GALNTL6: variants seen among roughly 807,000 people sequenced by gnomAD.
GALNTL6 encodes polypeptide N-acetylgalactosaminyltransferase like 6.
GALNTL6 carries 46 observed loss-of-function variants against 73.7 expected under a neutral mutation model. The ratio of observed to expected loss-of-function variants is 0.62; its 90% CI spans 0.49 to 0.80. GALNTL6 has a LOEUF of 0.80. Among genes scored for constraint, GALNTL6 ranks in the 30% least tolerant of loss-of-function variants. The pLI, the probability that GALNTL6 is intolerant of heterozygous loss-of-function variation, is 0.00. For synonymous variants in GALNTL6, 259 were observed against 263.7 expected (o/e 0.98, Z 0.17); for missense variants, 604 against 755.0 (o/e 0.80, Z 2.34).
intron 2 of GALNTL6, among the ~76,000 whole-genome samples, chr4:172,226,033 G>A (rs836329): frequency 0.98 from 148,656 of 152,272 alleles, 72,671 homozygotes; most frequent in East Asian, 1. Flanking sequence ...TTTTTATTTG[G>A]GATTTATTTT....
intron 8 of GALNTL6, among the ~76,000 whole-genome samples, chr4:172,894,590 C>G (rs1746221756): frequency 6.6e-6 from 1 of 152,176 alleles, no homozygotes; most frequent in East Asian, 1.9e-4. Context: ...TGTTTTGCGG[C>G]CTAACATATA....
At chr4:172,051,604 C>G (rs1730867989) in intron 2 of GALNTL6, among the ~76,000 whole-genome samples, 1 of 152,102 alleles carries the variant, frequency 6.6e-6, no homozygotes, top group Admixed American at 6.6e-5. Context: ...TTTCTTCTTG[C>G]CTTCTCTACC....
chr4:172,059,181 G>C (rs1731117050), intron 2 of GALNTL6, among the ~76,000 whole-genome samples: 1 of 152,166 alleles, frequency 6.6e-6, no homozygotes, highest in African/African-American at 2.4e-5. Flanking sequence ...GTTTGCTTCT[G>C]CTCGTTTACT....
chr4:171,960,072 G>C (rs923928664), intron 2 of GALNTL6, among the ~76,000 whole-genome samples: 4 of 152,186 alleles, frequency 2.6e-5, no homozygotes, highest in African/African-American at 9.6e-5. Flanking sequence ...GATTATCACT[G>C]TGTATGCAAA....
At chr4:171,911,840 T>C (rs1436829155) in intron 2 of GALNTL6, among the ~76,000 whole-genome samples, 1 of 152,224 alleles carries the variant, frequency 6.6e-6, no homozygotes, top group Non-Finnish European at 1.5e-5. Flanking sequence ...AATTGGAGCA[T>C]TCCAATTTGG....
At chr4:172,224,872 A>G (rs1736799638) in intron 2 of GALNTL6, among the ~76,000 whole-genome samples, 1 of 152,158 alleles carries the variant, frequency 6.6e-6, no homozygotes, top group Non-Finnish European at 1.5e-5. Context: ...CCCATCTGAA[A>G]GGATGTTAGT....
intron 3 of GALNTL6, among the ~76,000 whole-genome samples, chr4:172,308,008 T>TA (rs1306313050): frequency 8.8e-6 from 1 of 113,790 alleles, no homozygotes; most frequent in Non-Finnish European, 1.7e-5. Context: ...TTTAACTTTT[T>TA]TTTTTTTTTT....
chr4:171,899,310 C>G (rs577964098), intron 2 of GALNTL6, among the ~76,000 whole-genome samples: 1 of 152,124 alleles, frequency 6.6e-6, no homozygotes, highest in South Asian at 2.1e-4. Context: ...TATTCTCATT[C>G]AAAGTATTTC....
intron 5 of GALNTL6, among the ~76,000 whole-genome samples, chr4:172,747,647 C>T (rs1400984566): frequency 6.6e-6 from 1 of 151,904 alleles, no homozygotes; most frequent in Non-Finnish European, 1.5e-5. Flanking sequence ...ACCATATGAT[C>T]CAGCAATCTC....
intron 5 of GALNTL6, among the ~76,000 whole-genome samples, chr4:172,585,129 G>A (rs1255656220): frequency 6.6e-6 from 1 of 151,944 alleles, no homozygotes; most frequent in Non-Finnish European, 1.5e-5. Flanking sequence ...ACAGTCTAAT[G>A]AAGTCTGGTG....
intron 5 of GALNTL6, among the ~76,000 whole-genome samples, chr4:172,477,505 G>A (rs978397013): frequency 5.3e-5 from 8 of 151,932 alleles, no homozygotes; most frequent in South Asian, 2.1e-4. Context: ...TTGTGTCCAC[G>A]GCAAATTTAT....
chr4:172,321,263 C>G (rs1561025052), intron 4 of GALNTL6, among the ~76,000 whole-genome samples: 1 of 151,998 alleles, frequency 6.6e-6, no homozygotes, highest in African/African-American at 2.4e-5. Flanking sequence ...GGGGACTACT[C>G]TAATCAGGCC....
At chr4:171,902,750 G>T (rs1208670783) in intron 2 of GALNTL6, among the ~76,000 whole-genome samples, 1 of 152,052 alleles carries the variant, frequency 6.6e-6, no homozygotes, top group Non-Finnish European at 1.5e-5. Context: ...CATTGAAAAA[G>T]GAAAGATATG....
At chr4:172,999,803 G>A (rs569090815) in intron 10 of GALNTL6, among the ~76,000 whole-genome samples, 34 of 151,100 alleles carry the variant, frequency 2.3e-4, no homozygotes, top group Admixed American at 9.2e-4. Context: ...TATATTATTT[G>A]GATACATTCT....
At chr4:172,719,507 A>G (rs981644899) in intron 5 of GALNTL6, among the ~76,000 whole-genome samples, 1 of 152,166 alleles carries the variant, frequency 6.6e-6, no homozygotes, top group Non-Finnish European at 1.5e-5. Context: ...TTTCTCCTCT[A>G]CTTTCCTTAT....
intron 5 of GALNTL6, among the ~76,000 whole-genome samples, chr4:172,544,061 C>T (rs941537153): frequency 3.3e-5 from 5 of 152,118 alleles, no homozygotes; most frequent in Admixed American, 6.5e-5. Flanking sequence ...TCAAGGAGAT[C>T]GATTTCTTAG....
intron 5 of GALNTL6, among the ~76,000 whole-genome samples, chr4:172,467,201 G>T (rs967399107): frequency 1.2e-4 from 19 of 152,118 alleles, no homozygotes; most frequent in Admixed American, 6.5e-5. Context: ...CACAATTCAG[G>T]CTACAGTTGG....
intron 2 of GALNTL6, among the ~76,000 whole-genome samples, chr4:171,820,701 A>G (rs1242300868): frequency 6.6e-6 from 1 of 152,200 alleles, no homozygotes; most frequent in Non-Finnish European, 1.5e-5. Context: ...TGTGAAACTC[A>G]CAATGAGGAT....
At chr4:172,331,816 T>G (rs1741136179) in intron 4 of GALNTL6, among the ~76,000 whole-genome samples, 1 of 152,202 alleles carries the variant, frequency 6.6e-6, no homozygotes, top group African/African-American at 2.4e-5. Flanking sequence ...CTTTAGCTGT[T>G]GTGAATAGTG....
Sources: allele counts gnomAD v4.1 joint callset (sites outside exome capture counted in the v4.1 genomes callset), GRCh38; gene constraint gnomAD v4.1.1; transcripts MANE v1.5; gene names NCBI Gene and HGNC (gene_info 2026-07-23, HGNC 2026-07-21).